The following EYA2 variants were observed in gnomAD, a reference collection of about 807,000 sequenced individuals.
EYA2 encodes the protein protein phosphatase EYA2.
EYA2 carries 31 observed loss-of-function variants against 69.2 expected under a neutral mutation model. The ratio of observed to expected loss-of-function variants is 0.45; its 90% confidence interval spans 0.34 to 0.60. The LOEUF (loss-of-function observed/expected upper bound fraction) is 0.60, where lower values mean the gene tolerates loss of function less well. Among genes scored for constraint, EYA2 ranks in the 20% least tolerant of loss-of-function variants. The pLI, the probability that EYA2 is intolerant of heterozygous loss-of-function variation, is 0.02. For missense variants in EYA2, 622 were observed against 701.2 expected (o/e 0.89, Z 1.28); for synonymous variants, 257 against 279.4 (o/e 0.92, Z 0.80).
chr20:47,110,621 C>G (rs749332451), intron 9 of EYA2, among the ~76,000 whole-genome samples: 10 of 152,214 alleles, frequency 6.6e-5, no homozygotes, highest in Non-Finnish European at 1.5e-4. Flanking sequence ...TCTGCTGCCT[C>G]TTAGCTCGTG....
Position 47,169,239 on chromosome 20 carries a change from T to C in EYA2, c.1037+42T>C, listed in dbSNP as rs111608635. ...TCAAAAATGCCCATTGATTGATTGA[T>C]TGATTATCAAGTTATCCTTCTACTA... On this transcript the variant is annotated intron_variant, in intron 11 of 15. Coordinates refer to ENST00000327619, the MANE Select transcript of EYA2 (RefSeq NM_005244.5). 1.3e-3 allele frequency: 2,070 copies of C among 1,573,972 alleles called. 1 individual carries two copies. The highest frequency in any genetic ancestry group is 1.5e-3 in the Non-Finnish European group (1,713 of 1,143,778).
intron 8 of EYA2, among the ~76,000 whole-genome samples, chr20:47,092,052 G>A (rs2032102784): frequency 2.0e-5 from 3 of 152,142 alleles, no homozygotes; most frequent in Admixed American, 2.0e-4. Context: ...GGAAGCTAGG[G>A]GTGGGGACCG....
intron 1 of EYA2, among the ~76,000 whole-genome samples, chr20:46,984,584 C>G (rs1222558014): frequency 6.6e-6 from 1 of 152,092 alleles, no homozygotes; most frequent in Non-Finnish European, 1.5e-5. Context: ...GGGGCCGTGC[C>G]AAGTGTTAGC....
chr20:47,116,918 G>A (rs901179585), intron 9 of EYA2, among the ~76,000 whole-genome samples: 1 of 152,038 alleles, frequency 6.6e-6, no homozygotes, highest in African/African-American at 2.4e-5. Context: ...ACTGAAGGGC[G>A]GTCTGGCATC....
intron 15 of EYA2, 47 bp downstream of exon 15, chr20:47,183,438 C>T (rs1251001021): frequency 6.4e-7 from 1 of 1,562,298 alleles, no homozygotes; most frequent in South Asian, 1.1e-5. Context: ...CTTTCGAGCA[C>T]CCCTCGTGGT....
chr20:46,993,997 T>C (rs1250105627), intron 2 of EYA2, among the ~76,000 whole-genome samples: 1 of 152,234 alleles, frequency 6.6e-6, no homozygotes, highest in Non-Finnish European at 1.5e-5. Flanking sequence ...TCTGTTCCTG[T>C]TTAGCATGCA....
intron 5 of EYA2, among the ~76,000 whole-genome samples, chr20:47,037,199 T>C (rs1984770075): frequency 6.6e-6 from 1 of 152,190 alleles, no homozygotes; most frequent in Non-Finnish European, 1.5e-5. Flanking sequence ...ACCACCCCCA[T>C]GGCTCAATTA....
intron 14 of EYA2, 48 bp downstream of exon 14, chr20:47,180,984 G>A (rs748716968): frequency 1.3e-6 from 2 of 1,593,060 alleles, no homozygotes; most frequent in Non-Finnish European, 1.7e-6. Flanking sequence ...GGAGGGTGGG[G>A]TTAGCTTTCC....
At chr20:47,087,935 A>C (rs1420646919) in intron 7 of EYA2, among the ~76,000 whole-genome samples, 2 of 152,354 alleles carry the variant, frequency 1.3e-5, no homozygotes, top group African/African-American at 4.8e-5. Flanking sequence ...CTTGCATTTA[A>C]TAGAGAAGTG....
chr20:47,003,046 G>C (rs1982478102), intron 3 of EYA2, among the ~76,000 whole-genome samples: 1 of 152,226 alleles, frequency 6.6e-6, no homozygotes, highest in South Asian at 2.1e-4. Flanking sequence ...AATGGAATCA[G>C]ATACAGATTG....
intron 1 of EYA2, among the ~76,000 whole-genome samples, chr20:46,938,052 G>A (rs1013026697): frequency 6.6e-6 from 1 of 152,212 alleles, no homozygotes; most frequent in Non-Finnish European, 1.5e-5. Flanking sequence ...GAGAGGTTAA[G>A]TATCCCTAAG....
chr20:47,025,478 T>C (rs1348997251), intron 5 of EYA2, among the ~76,000 whole-genome samples: 5 of 152,248 alleles, frequency 3.3e-5, no homozygotes, highest in African/African-American at 1.2e-4. Context: ...AAGAACTTGC[T>C]AAGTCAATAT....
chr20:47,077,576 C>T (rs571218970), intron 7 of EYA2, among the ~76,000 whole-genome samples: 277 of 152,186 alleles, frequency 1.8e-3, no homozygotes, highest in Admixed American at 5.8e-3. Context: ...CTGTTTTGTT[C>T]CTGGGGTTCT....
rs182522359 is a variant in EYA2, at chr20:47,067,548, T to C, written c.416-4637T>C. Among the ~76,000 whole-genome samples the C allele has an allele frequency of 9.3e-4, 141 of 152,214 alleles. 2 individuals are homozygous for C. The highest frequency in any genetic ancestry group is 1.9e-4 in the Non-Finnish European group (13 of 68,020). The stretch of plus-strand genomic sequence containing the variant: ...CATTGCATGTCTCTATCAAAATAGC[T>C]CATGTCACCCATAAATATATACACC... On this transcript the variant is annotated intron_variant, in intron 5 of 15. Transcript: ENST00000327619.
chr20:47,187,381 C>T (rs2034667201), intron 15 of EYA2, among the ~76,000 whole-genome samples: 1 of 151,810 alleles, frequency 6.6e-6, no homozygotes, highest in African/African-American at 2.4e-5. Context: ...AAAAACTCCA[C>T]ATCATGACAA....
At chr20:46,965,876 C>T (rs973444148) in intron 1 of EYA2, among the ~76,000 whole-genome samples, 9 of 152,170 alleles carry the variant, frequency 5.9e-5, no homozygotes, top group African/African-American at 2.2e-4. Context: ...ACCTGGCTGT[C>T]GCGGATGCTT....
intron 10 of EYA2, chr20:47,161,170 G>T: frequency 2.6e-6 from 1 of 390,940 alleles, no homozygotes; most frequent in South Asian, 2.6e-5. Flanking sequence ...AGCCACAGTG[G>T]CCTGTCACCT....
chr20:47,006,181 C>T (rs1017955211), intron 4 of EYA2, among the ~76,000 whole-genome samples: 2 of 152,186 alleles, frequency 1.3e-5, no homozygotes, highest in Admixed American at 6.5e-5. Flanking sequence ...CTGCAGAGTC[C>T]CAGGAATTTC....
intron 1 of EYA2, chr20:46,978,536 A>G (rs1848515895): frequency 3.7e-6 from 2 of 534,302 alleles, no homozygotes; most frequent in Admixed American, 1.9e-5. Context: ...TGCTGGAATC[A>G]GATATTGGAC....
Sources: allele counts gnomAD v4.1 joint callset (sites outside exome capture counted in the v4.1 genomes callset), GRCh38; gene constraint gnomAD v4.1.1; transcripts MANE v1.5; gene names NCBI Gene and HGNC (gene_info 2026-07-23, HGNC 2026-07-21).